The following FBXO30 variants were observed in gnomAD, a reference collection of about 807,000 sequenced individuals.
The protein encoded by FBXO30 is F-box only protein 30.
Under a neutral mutation model 58.1 loss-of-function variants are expected in FBXO30, and 21 were observed. The observed-to-expected ratio is 0.36, with a 90% CI of 0.26 to 0.52. The LOEUF is 0.52. FBXO30 is among the 20% of genes least tolerant of loss of function. FBXO30 has a pLI of 0.93. For synonymous variants in FBXO30, 309 were observed against 312.4 expected, an observed-to-expected ratio of 0.99 and a Z score of 0.11; for missense variants, 744 against 897.3, an observed-to-expected ratio of 0.83 and a Z score of 2.18.
chr6:145,803,620 T>C (rs1461983542), intron 2 of FBXO30, among the ~76,000 whole-genome samples: 1 of 152,136 alleles, frequency 6.6e-6, no homozygotes, highest in African/African-American at 2.4e-5. Context: ...TACTGAGTAG[T>C]GCCAAATAGA....
Position 145,804,312 on chromosome 6 carries a change from TCAG to T in FBXO30, c.2034+57_2034+59del, listed in dbSNP as rs1471626920. The T allele has an allele frequency of 1.8e-4, 242 of 1,358,218 alleles. 1 individual carries two copies. In the East Asian group the frequency reaches 5.5e-3, roughly 31 times the overall value. The allele number at this position is 1,358,218 out of a possible 1,614,324, so 84.1% of individuals were successfully genotyped here. On this transcript the variant is annotated intron_variant, in intron 2 of 2. Coordinates refer to ENST00000237281, the MANE Select transcript of FBXO30 (RefSeq NM_032145.5). ...TCAACAAGATATTAATTGTATTAAT[TCAG>T]CAGTATTATTAAAGTCCTCTTTATG...
chr6:145,797,369 T>G lies in FBXO30; in HGVS notation c.*2737A>C, dbSNP rs896089416. On this transcript the variant is annotated 3_prime_UTR_variant, in exon 3 of 3. Coordinates refer to ENST00000237281, the MANE Select transcript of FBXO30 (RefSeq NM_032145.5). ...TACTGACTTTTGGATTACACATATATTTATACAAACACACACAGGTACACA... is the reference window on the plus strand; with the variant it reads ...TACTGACTTTTGGATTACACATATAGTTATACAAACACACACAGGTACACA... 2 of 152,036 alleles carry G rather than the reference T, an allele frequency of 1.3e-5. No individual in the cohort carries two copies. Among genetic ancestry groups the G allele is most frequent in the Non-Finnish European group, 2.9e-5 (2 of 67,948 alleles). 9.4% of individuals were successfully genotyped at this position (152,036 alleles called of 1,614,324 possible).
In FBXO30 at chr6:145,797,338, T is replaced by G. The variant is rs190847244; in HGVS notation, c.*2768A>C. 2 of 152,126 alleles carry G rather than the reference T, an allele frequency of 1.3e-5. No individual in the cohort carries two copies. The highest frequency in any genetic ancestry group is 2.9e-5 in the Non-Finnish European group (2 of 67,910). The allele number at this position is 152,126 out of a possible 1,614,324, so 9.4% of individuals were successfully genotyped here. On this transcript the variant is annotated 3_prime_UTR_variant, in exon 3 of 3. Coordinates refer to ENST00000237281, the MANE Select transcript of FBXO30 (RefSeq NM_032145.5). ...ATATATAGTTTAACCATTAATAAATTACCATTACTGACTTTTGGATTACAC... is the reference window on the plus strand; with the variant it reads ...ATATATAGTTTAACCATTAATAAATGACCATTACTGACTTTTGGATTACAC...
At chr6:145,803,546 T>C (rs1378069884) in intron 2 of FBXO30, among the ~76,000 whole-genome samples, 1 of 152,154 alleles carries the variant, frequency 6.6e-6, no homozygotes, top group Non-Finnish European at 1.5e-5. Flanking sequence ...AAAAGTTTCA[T>C]ATTATAAGTG....
Position 145,797,989 on chromosome 6 carries a change from G to A in FBXO30, c.*2117C>T, listed in dbSNP as rs887542714. On this transcript the variant is annotated 3_prime_UTR_variant, in exon 3 of 3. Transcript: ENST00000237281. ...TGGTATTACTTTCGAGACACTGAAG[G>A]ATCAGAGAAAGCTAACTAATGCGTG... is the stretch of plus-strand genomic sequence containing the variant. The A allele has an allele frequency of 6.6e-6, 1 of 151,984 alleles. No homozygotes were observed. The highest frequency in any genetic ancestry group is 1.5e-5 in the Non-Finnish European group (1 of 67,928). The allele number at this position is 151,984 out of a possible 1,614,324, so 9.4% of individuals were successfully genotyped here. A position where few individuals can be genotyped will look rare whatever the true frequency, so the allele number is the denominator to read the frequency against.
chr6:145,804,940 T>A lies in FBXO30; in HGVS notation c.1466A>T (p.Gln489Leu). ...SASACDHANP[Q>L]LSNPSPFQTL... ...CTGAAACGGACTTGGATTTGAAAGC[T>A]GTGGATTGGCATGATCACAAGCTGA... is the stretch of plus-strand genomic sequence containing the variant. The change falls in exon 2 of 3, where the codon CAG (glutamine) becomes CTG (leucine). Residue 489 changes from glutamine to leucine, a missense_variant. Transcript: ENST00000237281. The A allele has an allele frequency of 1.9e-6, 3 of 1,613,924 alleles. No homozygotes were observed. Among genetic ancestry groups the A allele is most frequent in the Non-Finnish European group, 2.5e-6 (3 of 1,179,918 alleles).
At chr6:145,813,553 T>C (rs967223025) in intron 1 of FBXO30, among the ~76,000 whole-genome samples, 2 of 152,350 alleles carry the variant, frequency 1.3e-5, no homozygotes, top group Non-Finnish European at 2.9e-5. Context: ...ATGTCAACAA[T>C]TGGACTGCTT....
intron 1 of FBXO30, among the ~76,000 whole-genome samples, chr6:145,808,964 C>T (rs1778259294): frequency 6.6e-6 from 1 of 152,130 alleles, no homozygotes; most frequent in Admixed American, 6.6e-5. Flanking sequence ...GAATCATCAT[C>T]AACAGAGCTT....
In FBXO30 at chr6:145,795,579, C is replaced by T. The variant is rs1363249463; in HGVS notation, c.*4527G>A. On this transcript the variant is annotated 3_prime_UTR_variant, in exon 3 of 3. Coordinates refer to ENST00000237281, the MANE Select transcript of FBXO30 (RefSeq NM_032145.5). ...ATTGAAAATTATTTTTAAAAAAGGA[C>T]TTTGCATCAATGAATTTTTATTATA... 9.2e-5 allele frequency: 14 copies of T among 151,828 alleles called. No homozygotes were observed. Among genetic ancestry groups the T allele is most frequent in the Admixed American group, 1.3e-4 (2 of 15,216 alleles). The allele number at this position is 151,828 out of a possible 1,614,324, so 9.4% of individuals were successfully genotyped here.
In FBXO30 at chr6:145,796,140, T is replaced by C. The variant is rs956282335; in HGVS notation, c.*3966A>G. 1.3e-5 allele frequency: 2 copies of C among 151,998 alleles called. No homozygotes were observed. The highest frequency in any genetic ancestry group is 2.9e-5 in the Non-Finnish European group (2 of 67,878). 9.4% of individuals were successfully genotyped at this position (151,998 alleles called of 1,614,324 possible). A position where few individuals can be genotyped will look rare whatever the true frequency, so the allele number is the denominator to read the frequency against. On this transcript the variant is annotated 3_prime_UTR_variant, in exon 3 of 3. Transcript: ENST00000237281. ...CACTAATCACTGCCTAAATTTTGAG[T>C]ACCTATTTTCTCATCCATAAAATTC...
In FBXO30 at chr6:145,806,057, C is replaced by T. The variant is rs1261203329; in HGVS notation, c.349G>A (p.Val117Met). 1 of 1,613,970 alleles carries T rather than the reference C, an allele frequency of 6.2e-7. No individual in the cohort carries two copies. The highest frequency in any genetic ancestry group is 8.5e-7 in the Non-Finnish European group (1 of 1,180,004). ...GCCAAGGCCATATCCAATTGTGCCA[C>T]TTCATCGACATCTCTGCTTAGATTT... ...YENLSRDVDEVAQLDMALALQ... is the reference protein window; with the variant it reads ...YENLSRDVDEMAQLDMALALQ... The change falls in exon 2 of 3, where the codon GTG (valine) becomes ATG (methionine). Residue 117 changes from valine to methionine, a missense_variant. Physicochemically the swap from Val to Met is conservative, Grantham distance 21. Around this residue, in one of 3 missense-constraint regions of FBXO30, gnomAD observed 135 missense variants for 201.6 expected, o/e 0.67. Transcript: ENST00000237281.
Position 145,800,326 on chromosome 6 carries a change from C to G in FBXO30, c.2035-17G>C, listed in dbSNP as rs973446356. 18 of 1,606,020 alleles carry G rather than the reference C, an allele frequency of 1.1e-5. No individual in the cohort carries two copies. Among genetic ancestry groups the G allele is most frequent in the Non-Finnish European group, 1.5e-5 (18 of 1,174,302 alleles). ...TCGCCATACCTACAAGAAAATTCTA[C>G]TTTAGATTTAAACAAGTCAATGTGT... On this transcript the variant is annotated splice_polypyrimidine_tract_variant and intron_variant, in intron 2 of 2. Transcript: ENST00000237281.
chr6:145,799,278 A>T lies in FBXO30; in HGVS notation c.*828T>A, dbSNP rs1562557574. ...CATTCTGAATATTTGAAATTTACAC[A>T]ATACGCCCAATTCAAACCTAAATGA... On this transcript the variant is annotated 3_prime_UTR_variant, in exon 3 of 3. Transcript: ENST00000237281. 6.6e-6 allele frequency: 1 copy of T among 152,504 alleles called. No individual in the cohort carries two copies. Among genetic ancestry groups the T allele is most frequent in the East Asian group, 1.9e-4 (1 of 5,200 alleles). The allele number at this position is 152,504 out of a possible 1,614,324, so 9.4% of individuals were successfully genotyped here.
intron 1 of FBXO30, among the ~76,000 whole-genome samples, chr6:145,806,781 T>A (rs1452601581): frequency 3.3e-5 from 5 of 152,258 alleles, no homozygotes; most frequent in Non-Finnish European, 7.3e-5. Flanking sequence ...CAGAGTGTTT[T>A]TCACTTTTAC....
intron 2 of FBXO30, among the ~76,000 whole-genome samples, chr6:145,800,962 G>A (rs1315740615): frequency 6.6e-6 from 1 of 151,972 alleles, no homozygotes; most frequent in Non-Finnish European, 1.5e-5. Flanking sequence ...ATGTTTCTAG[G>A]CAAAATACTT....
chr6:145,809,340 C>T (rs1464128481), intron 1 of FBXO30, among the ~76,000 whole-genome samples: 1 of 152,126 alleles, frequency 6.6e-6, no homozygotes, highest in Non-Finnish European at 1.5e-5. Context: ...ATCTCACATG[C>T]TGAAGGTTAC....
chr6:145,802,380 T>G (rs1213191932), intron 2 of FBXO30, among the ~76,000 whole-genome samples: 2 of 152,124 alleles, frequency 1.3e-5, no homozygotes, highest in Non-Finnish European at 2.9e-5. Flanking sequence ...GTGGATTATA[T>G]AAGTTCATAC....
intron 1 of FBXO30, among the ~76,000 whole-genome samples, chr6:145,808,303 C>G: frequency 6.6e-6 from 1 of 151,864 alleles, no homozygotes; most frequent in Non-Finnish European, 1.5e-5. Flanking sequence ...TTTTACTACC[C>G]CTATTAAAAC....
chr6:145,795,136 GTCTC>G lies in FBXO30; in HGVS notation c.*4966_*4969del, dbSNP rs907103888. ...TTAAAAAGCTGTCTAACTCTAGTCA[GTCTC>G]TCTGTCAAAGAATAAACAAATAGAT... On this transcript the variant is annotated 3_prime_UTR_variant, in exon 3 of 3. Transcript: ENST00000237281. The G allele has an allele frequency of 2.2e-4, 33 of 151,854 alleles. No homozygotes were observed. Among genetic ancestry groups the G allele is most frequent in the African/African-American group, 7.2e-4 (30 of 41,502 alleles). 9.4% of individuals were successfully genotyped at this position (151,854 alleles called of 1,614,324 possible). A position where few individuals can be genotyped will look rare whatever the true frequency, so the allele number is the denominator to read the frequency against.
Sources: gnomAD v4.1 joint callset for allele counts (sites outside exome capture counted in the v4.1 genomes callset) on GRCh38, gnomAD v4.1.1 for gene constraint, gnomAD v4.1.1 regional missense constraint, MANE v1.5 for transcripts, NCBI Gene and HGNC (gene_info 2026-07-23, HGNC 2026-07-21) for gene names.